Variants in FRY observed in about 807,000 individuals in gnomAD.
FRY encodes FRY microtubule binding protein, also known as protein furry homolog.
FRY carries 128 observed loss-of-function variants against 348.4 expected under a neutral mutation model. The ratio of observed to expected loss-of-function variants is 0.37; its 90% CI spans 0.32 to 0.43. The LOEUF is 0.43. FRY is among the 20% of genes least tolerant of loss of function. FRY has a pLI of 1.00. For missense variants in FRY, 2,736 were observed against 3,695.2 expected, an observed-to-expected ratio of 0.74 and a Z score of 6.73; for synonymous variants, 1,370 against 1,374.7, an observed-to-expected ratio of 1.00 and a Z score of 0.08.
chr13:32,210,778 A>G, intron 33 of FRY, 88 bp from the exon 34 acceptor site: 1 of 1,061,694 alleles, frequency 9.4e-7, no homozygotes, highest in Non-Finnish European at 1.4e-6. Context: ...GCATGATGAC[A>G]ACTTATCTAA....
At chr13:32,037,079 A>G (rs1213039250) in intron 1 of FRY, among the ~76,000 whole-genome samples, 2 of 150,748 alleles carry the variant, frequency 1.3e-5, no homozygotes, top group Admixed American at 1.3e-4. Context: ...CACGTGCTGG[A>G]GAGCACCATC....
At chr13:32,096,898 C>T (rs1335033167) in intron 2 of FRY, among the ~76,000 whole-genome samples, 1 of 151,540 alleles carries the variant, frequency 6.6e-6, no homozygotes, top group Non-Finnish European at 1.5e-5. Flanking sequence ...CAGCATTGAC[C>T]CCAAGTTCTT....
chr13:32,181,722 A>G (rs1394407866), intron 23 of FRY, among the ~76,000 whole-genome samples: 1 of 152,146 alleles, frequency 6.6e-6, no homozygotes, highest in Non-Finnish European at 1.5e-5. Context: ...AAGATTATGC[A>G]ACCAACTAGC....
intron 8 of FRY, among the ~76,000 whole-genome samples, chr13:32,133,611 T>C (rs1023953145): frequency 1.3e-5 from 2 of 152,104 alleles, no homozygotes; most frequent in African/African-American, 4.8e-5. Context: ...TATCTTGAGC[T>C]GAGGTCTTAA....
At chr13:32,252,935 A>C (rs975738985) in intron 50 of FRY, among the ~76,000 whole-genome samples, 1 of 152,166 alleles carries the variant, frequency 6.6e-6, no homozygotes, top group African/African-American at 2.4e-5. Context: ...GCAGAGGCAG[A>C]TAGAGACTCC....
chr13:32,249,243 G>C (rs1309951666), intron 48 of FRY, among the ~76,000 whole-genome samples: 3 of 152,026 alleles, frequency 2.0e-5, no homozygotes, highest in African/African-American at 7.2e-5. Context: ...CTGACTATTT[G>C]GTTTCCTGCA....
At chr13:32,136,997 G>T (rs1391573456) in intron 11 of FRY, 25 bp downstream of exon 11, 2 of 1,303,466 alleles carry the variant, frequency 1.5e-6, no homozygotes, top group East Asian at 2.3e-5. Flanking sequence ...GCTCAAAAAC[G>T]ATCTCTTTAA....
intron 29 of FRY, among the ~76,000 whole-genome samples, chr13:32,195,850 A>G (rs776508541): frequency 5.9e-5 from 9 of 152,206 alleles, no homozygotes; most frequent in Non-Finnish European, 1.3e-4. Context: ...ATTCTGAAGG[A>G]AGGGCAGAGG....
chr13:32,214,511 T>G (rs946397354), intron 35 of FRY, among the ~76,000 whole-genome samples: 1 of 152,214 alleles, frequency 6.6e-6, no homozygotes, highest in Non-Finnish European at 1.5e-5. Flanking sequence ...CTTCTTCCAG[T>G]GTGGCCCAGG....
At chr13:32,279,431 A>G (rs1459181123) in intron 58 of FRY, among the ~76,000 whole-genome samples, 1 of 152,244 alleles carries the variant, frequency 6.6e-6, no homozygotes, top group Non-Finnish European at 1.5e-5. Flanking sequence ...GAAAAGGTTG[A>G]GAAGAGTCTG....
intron 14 of FRY, among the ~76,000 whole-genome samples, chr13:32,155,096 A>G (rs1029336346): frequency 2.6e-5 from 4 of 152,072 alleles, no homozygotes; most frequent in African/African-American, 9.7e-5. Context: ...TTTCCATTCA[A>G]TCTTTGTGAG....
intron 1 of FRY, among the ~76,000 whole-genome samples, chr13:32,067,232 T>C (rs568484288): frequency 6.6e-6 from 1 of 152,322 alleles, no homozygotes; most frequent in East Asian, 1.9e-4. Context: ...GAATCCTACC[T>C]ATCCTTTAAG....
At chr13:32,180,379 C>A (rs569682883) in intron 23 of FRY, among the ~76,000 whole-genome samples, 4 of 152,234 alleles carry the variant, frequency 2.6e-5, no homozygotes, top group African/African-American at 9.6e-5. Flanking sequence ...GGGCTACAGA[C>A]CCGCGCCACC....
At chr13:32,227,375 C>T (rs188946459) in intron 39 of FRY, among the ~76,000 whole-genome samples, 1 of 152,234 alleles carries the variant, frequency 6.6e-6, no homozygotes, top group African/African-American at 2.4e-5. Flanking sequence ...TCCATAAATT[C>T]CCTGAGGCTA....
chr13:32,226,610 T>C (rs1002644629), intron 39 of FRY, among the ~76,000 whole-genome samples: 5 of 152,218 alleles, frequency 3.3e-5, no homozygotes, highest in Non-Finnish European at 5.9e-5. Context: ...TATCTTAAAA[T>C]GATGATGAAG....
chr13:32,032,100 C>T lies in FRY; in HGVS notation c.70+235C>T, dbSNP rs139479795. 3.1e-3 allele frequency among the ~76,000 whole-genome samples: 465 copies of T among 151,158 alleles called. 1 individual carries two copies. Among genetic ancestry groups the T allele is most frequent in the African/African-American group, 0.011 (441 of 41,092 alleles). On this transcript the variant is annotated intron_variant, in intron 1 of 60. Transcript: ENST00000542859. ...AATGTCAGAGACTGAACTAGCTTTC[C>T]TTAAGTGCAAAGGCTGCAATGGAAT...
chr13:32,117,462 T>C lies in FRY; in HGVS notation c.453T>C (p.Asn151=). ...ATGAATACAGACCAAGAACAAGCAA[T>C]AAATCAAAAAGGTACATTTCTTTTG... The part of the protein sequence containing the change: ...ESHEYRPRTS[N]KSKSDEQQRD... The change falls in exon 4 of 61, where the codon AAT becomes AAC. Residue 151 remains asparagine, a synonymous_variant. Transcript: ENST00000542859. 6.2e-7 allele frequency: 1 copy of C among 1,613,696 alleles called. No homozygotes were observed. Among genetic ancestry groups the C allele is most frequent in the Non-Finnish European group, 8.5e-7 (1 of 1,179,640 alleles).
intron 36 of FRY, among the ~76,000 whole-genome samples, chr13:32,221,112 ACATCC>A (rs1885292175): frequency 6.6e-6 from 1 of 152,148 alleles, no homozygotes; most frequent in African/African-American, 2.4e-5. Context: ...CCTCTTAGCC[ACATCC>A]CATGAAAAGT....
intron 21 of FRY, 29 bp downstream of exon 21, chr13:32,178,465 C>G: frequency 6.2e-7 from 1 of 1,612,244 alleles, no homozygotes; most frequent in South Asian, 1.1e-5. Flanking sequence ...TTCCTCTGCC[C>G]TCTTGTTTTT....
Sources: allele counts gnomAD v4.1 joint callset (sites outside exome capture counted in the v4.1 genomes callset), GRCh38; gene constraint gnomAD v4.1.1; transcripts MANE v1.5; gene names NCBI Gene and HGNC (gene_info 2026-07-23, HGNC 2026-07-21).